Variants in MGAT4C observed in about 807,000 individuals in gnomAD.
MGAT4C encodes alpha-1,3-mannosyl-glycoprotein 4-beta-N-acetylglucosaminyltransferase C.
A neutral mutation model predicts 40.1 loss-of-function variants in MGAT4C; 19 were observed. The ratio of observed to expected loss-of-function variants is 0.47; its 90% CI spans 0.33 to 0.70. MGAT4C has a LOEUF of 0.70. MGAT4C is among the 30% of genes least tolerant of loss of function. The pLI is 0.02. For synonymous variants in MGAT4C, 181 were observed against 187.1 expected (o/e 0.97, Z 0.27); for missense variants, 491 against 563.2 (o/e 0.87, Z 1.30).
intron 1 of MGAT4C, among the ~76,000 whole-genome samples, chr12:86,750,633 A>C (rs1465406929): frequency 6.6e-6 from 1 of 151,990 alleles, no homozygotes; most frequent in East Asian, 1.9e-4. Flanking sequence ...GGGAATAAGA[A>C]AGAAATACAA....
chr12:86,555,827 C>G (rs1959583802), intron 2 of MGAT4C, among the ~76,000 whole-genome samples: 1 of 152,316 alleles, frequency 6.6e-6, no homozygotes, highest in East Asian at 1.9e-4. Flanking sequence ...AGCCTCCACA[C>G]TCATGATGGC....
intron 1 of MGAT4C, among the ~76,000 whole-genome samples, chr12:86,236,219 G>A (rs1328027153): frequency 6.6e-6 from 1 of 151,988 alleles, no homozygotes; most frequent in African/African-American, 2.4e-5. Context: ...AGCGTTTTCA[G>A]GGTTGGTTGA....
chr12:86,311,833 G>A (rs2136151057), intron 4 of MGAT4C, among the ~76,000 whole-genome samples: 1 of 152,222 alleles, frequency 6.6e-6, no homozygotes, highest in African/African-American at 2.4e-5. Context: ...GTTCTTGGTT[G>A]GCAATGCCCC....
intron 1 of MGAT4C, among the ~76,000 whole-genome samples, chr12:86,164,381 CTATT>C (rs891180556): frequency 2.6e-5 from 4 of 152,114 alleles, no homozygotes; most frequent in African/African-American, 9.7e-5. Context: ...ATGTATTTTA[CTATT>C]TAATCATACA....
chr12:86,336,751 A>C (rs1247085857), intron 3 of MGAT4C, among the ~76,000 whole-genome samples: 1 of 152,168 alleles, frequency 6.6e-6, no homozygotes, highest in African/African-American at 2.4e-5. Context: ...AAAAATCAGA[A>C]TGGCTACAGT....
chr12:86,335,676 TG>T (rs1224533110), intron 3 of MGAT4C, among the ~76,000 whole-genome samples: 1 of 152,154 alleles, frequency 6.6e-6, no homozygotes, highest in Non-Finnish European at 1.5e-5. Flanking sequence ...GTAATTATAC[TG>T]TTATTTAAAG....
In MGAT4C at chr12:86,013,007, G is replaced by A. The variant is rs577757609; in HGVS notation, c.-6-23455C>T. Among the ~76,000 whole-genome samples the A allele has an allele frequency of 3.3e-5, 5 of 151,970 alleles. No homozygotes were observed. In the South Asian group the frequency reaches 8.3e-4, roughly 25 times the overall value. ...TTAGCCACGGTGGCACATGCCTGTGGTCCTAGCTACTTGGAAGACTGAAAG... is the reference window on the plus strand; with the variant it reads ...TTAGCCACGGTGGCACATGCCTGTGATCCTAGCTACTTGGAAGACTGAAAG... On this transcript the variant is annotated intron_variant, in intron 2 of 4. Coordinates refer to ENST00000611864, the MANE Select transcript of MGAT4C (RefSeq NM_001351288.2).
At chr12:86,002,428 T>C (rs1401305657) in intron 2 of MGAT4C, 1 of 152,116 alleles carries the variant, frequency 6.6e-6, no homozygotes, top group Non-Finnish European at 1.5e-5. Context: ...GTCCTCATAT[T>C]GAGAAGGTAA....
chr12:86,187,798 A>G (rs541733179), intron 1 of MGAT4C, among the ~76,000 whole-genome samples: 1 of 152,148 alleles, frequency 6.6e-6, no homozygotes, highest in African/African-American at 2.4e-5. Flanking sequence ...TGAACGTATT[A>G]AAGATTGGTT....
intron 2 of MGAT4C, among the ~76,000 whole-genome samples, chr12:86,605,463 T>G (rs527343444): frequency 6.6e-6 from 1 of 152,240 alleles, no homozygotes; most frequent in South Asian, 2.1e-4. Flanking sequence ...GTAGTGCTAA[T>G]AGTAATGATA....
chr12:86,377,672 T>G (rs2136217185), intron 3 of MGAT4C, among the ~76,000 whole-genome samples: 1 of 152,342 alleles, frequency 6.6e-6, no homozygotes, highest in Middle Eastern at 3.4e-3. Flanking sequence ...ATTTTCCTTT[T>G]CTACATATTT....
chr12:86,379,121 T>C (rs886635462), intron 3 of MGAT4C, among the ~76,000 whole-genome samples: 2 of 152,150 alleles, frequency 1.3e-5, no homozygotes, highest in African/African-American at 4.8e-5. Context: ...GGTTCTCAGC[T>C]TATTTATTTT....
chr12:86,331,443 T>C (rs1043616058), intron 4 of MGAT4C, among the ~76,000 whole-genome samples: 4 of 152,148 alleles, frequency 2.6e-5, no homozygotes, highest in Non-Finnish European at 4.4e-5. Context: ...CCCTTCCCAG[T>C]TGAGTATTCC....
chr12:86,086,536 AT>A, intron 1 of MGAT4C, among the ~76,000 whole-genome samples: 1 of 152,092 alleles, frequency 6.6e-6, no homozygotes, highest in East Asian at 1.9e-4. Flanking sequence ...AAGTATAGTA[AT>A]AAAAAAGTTA....
chr12:86,498,650 C>G (rs983457343), intron 2 of MGAT4C, among the ~76,000 whole-genome samples: 5 of 151,878 alleles, frequency 3.3e-5, no homozygotes, highest in African/African-American at 1.2e-4. Flanking sequence ...TTGTAGCATA[C>G]TGTACTTATA....
At chr12:86,658,915 G>GC (rs1310044451) in intron 2 of MGAT4C, among the ~76,000 whole-genome samples, 3 of 151,956 alleles carry the variant, frequency 2.0e-5, no homozygotes. Flanking sequence ...TCTTCCCTCT[G>GC]CCAGGATGCC....
chr12:86,481,636 T>C (rs1957939261), intron 2 of MGAT4C, among the ~76,000 whole-genome samples: 1 of 152,020 alleles, frequency 6.6e-6, no homozygotes, highest in South Asian at 2.1e-4. Context: ...TACACACACA[T>C]GCAGACACGC....
intron 1 of MGAT4C, among the ~76,000 whole-genome samples, chr12:86,140,913 T>A (rs1372304216): frequency 6.6e-6 from 1 of 152,204 alleles, no homozygotes; most frequent in Non-Finnish European, 1.5e-5. Flanking sequence ...TTGTTTTACT[T>A]TGAATACCCC....
rs2136643268 is a variant in MGAT4C, at chr12:85,961,757, G to T, written c.*17532C>A. 1 of 151,950 alleles carries T rather than the reference G, an allele frequency of 6.6e-6. No homozygotes were observed. The highest frequency in any genetic ancestry group is 1.5e-5 in the Non-Finnish European group (1 of 67,760). The allele number at this position is 151,950 out of a possible 1,614,324, so 9.4% of individuals were successfully genotyped here. Reference sequence around the variant, plus strand: ...CACTTTGTATTATAATAGGCAAATTGATACACACTTTTCATTTATTCTAAA... The same window carrying T: ...CACTTTGTATTATAATAGGCAAATTTATACACACTTTTCATTTATTCTAAA... On this transcript the variant is annotated 3_prime_UTR_variant, in exon 5 of 5. Transcript: ENST00000611864.
Sources: allele counts gnomAD v4.1 joint callset (sites outside exome capture counted in the v4.1 genomes callset), GRCh38; gene constraint gnomAD v4.1.1; transcripts MANE v1.5; gene names NCBI Gene and HGNC (gene_info 2026-07-23, HGNC 2026-07-21).